Variants in THSD4 observed in about 807,000 individuals in gnomAD.
THSD4 encodes thrombospondin type-1 domain-containing protein 4.
In THSD4, 69 loss-of-function variants were observed where a neutral mutation model predicts 119.0. The observed-to-expected ratio is 0.58, with a 90% confidence interval of 0.48 to 0.71. THSD4 has a LOEUF of 0.71. THSD4 is among the 30% of genes least tolerant of loss of function. The probability of loss-of-function intolerance (pLI) is 0.00; values close to 1 mark genes in which losing one functional copy is unlikely to be tolerated. For synonymous variants in THSD4, 524 were observed against 540.4 expected (o/e 0.97, Z 0.42); for missense variants, 1,393 against 1,391.1 (o/e 1.00, Z -0.02).
At chr15:71,422,429 C>T (rs1458571727) in intron 7 of THSD4, among the ~76,000 whole-genome samples, 3 of 152,198 alleles carry the variant, frequency 2.0e-5, no homozygotes, top group East Asian at 3.9e-4. Flanking sequence ...TGCTGTGGCT[C>T]TTGCAGACTC....
intron 3 of THSD4, among the ~76,000 whole-genome samples, chr15:71,196,001 T>C (rs1164743557): frequency 6.6e-6 from 1 of 152,150 alleles, no homozygotes; most frequent in Non-Finnish European, 1.5e-5. Context: ...GGACAGAAAC[T>C]TATTTCTTAC....
At chr15:71,709,082 A>G (rs554943837) in intron 8 of THSD4, among the ~76,000 whole-genome samples, 2 of 152,332 alleles carry the variant, frequency 1.3e-5, no homozygotes, top group African/African-American at 4.8e-5. Context: ...TCTGCTACAT[A>G]CTAACCATGT....
chr15:71,459,324 A>ATC (rs377346569), intron 7 of THSD4, among the ~76,000 whole-genome samples: 9 of 101,198 alleles, frequency 8.9e-5, no homozygotes, highest in South Asian at 3.6e-4. Context: ...ATGCCCAACT[A>ATC]TCTCTCTCTC....
chr15:71,171,099 G>GA (rs1325805509), intron 3 of THSD4, among the ~76,000 whole-genome samples: 1 of 152,092 alleles, frequency 6.6e-6, no homozygotes, highest in Non-Finnish European at 1.5e-5. Flanking sequence ...ACCAAAAGGA[G>GA]AAGAGATAGG....
intron 6 of THSD4, among the ~76,000 whole-genome samples, chr15:71,383,889 C>T (rs554080484): frequency 3.3e-5 from 5 of 152,138 alleles, no homozygotes; most frequent in South Asian, 4.2e-4. Flanking sequence ...TATAATACGC[C>T]GTTTTACATA....
At chr15:71,265,430 T>G (rs931050209) in intron 6 of THSD4, among the ~76,000 whole-genome samples, 1 of 152,166 alleles carries the variant, frequency 6.6e-6, no homozygotes, top group Non-Finnish European at 1.5e-5. Context: ...GCCCAGATAC[T>G]ACGCTTTTGC....
rs531522010 is a variant in THSD4, at chr15:71,448,431, G to C, written c.1152+36608G>C. Among the ~76,000 whole-genome samples the C allele has an allele frequency of 4.6e-5, 7 of 152,298 alleles. No individual in the cohort carries two copies. In the South Asian group the frequency reaches 1.0e-3, roughly 23 times the overall value. On this transcript the variant is annotated intron_variant, in intron 7 of 17. Transcript: ENST00000261862. Reference sequence around the variant, plus strand: ...TTTGATCTTGAGGTAATAGATATTAGATGTATTAACTTCTTTTTCCAGCCT... The same window carrying C: ...TTTGATCTTGAGGTAATAGATATTACATGTATTAACTTCTTTTTCCAGCCT...
intron 6 of THSD4, among the ~76,000 whole-genome samples, chr15:71,381,791 G>A (rs913265778): frequency 2.0e-5 from 3 of 151,988 alleles, no homozygotes; most frequent in African/African-American, 7.3e-5. Flanking sequence ...CACAATTTTT[G>A]GAACAGTCAT....
At chr15:71,660,831 C>T (rs947655547) in intron 8 of THSD4, 97 bp downstream of exon 8, 31 of 1,393,086 alleles carry the variant, frequency 2.2e-5, no homozygotes, top group Non-Finnish European at 2.7e-5. Flanking sequence ...CCGAGAGTCC[C>T]GGGGCATGCA....
chr15:71,263,400 G>C (rs1030725295), intron 6 of THSD4, among the ~76,000 whole-genome samples: 4 of 150,446 alleles, frequency 2.7e-5, no homozygotes, highest in African/African-American at 7.4e-5. Flanking sequence ...TTGATTCCAT[G>C]TCTTTACTAT....
intron 7 of THSD4, among the ~76,000 whole-genome samples, chr15:71,420,743 G>A (rs1236307314): frequency 9.3e-6 from 1 of 107,474 alleles, no homozygotes; most frequent in East Asian, 3.1e-4. Flanking sequence ...AAAATAACAA[G>A]CAAAGAGAAA....
rs951943287 is a variant in THSD4 at position 71,781,681 on chromosome 15, G to C, written c.*4307G>C. ...ACAGTTTAGCTCCTGCAGAGACCCA[G>C]CTTTTCACAAGTTGGAGCCTTCCAG... is the stretch of plus-strand genomic sequence containing the variant. On this transcript the variant is annotated 3_prime_UTR_variant, in exon 18 of 18. Coordinates refer to ENST00000261862, the MANE Select transcript of THSD4 (RefSeq NM_024817.3). 1 of 152,358 alleles carries C rather than the reference G, an allele frequency of 6.6e-6. No individual in the cohort carries two copies. Among genetic ancestry groups the C allele is most frequent in the Admixed American group, 6.5e-5 (1 of 15,274 alleles). The allele number at this position is 152,358 out of a possible 1,614,324, so 9.4% of individuals were successfully genotyped here.
chr15:71,690,366 A>T (rs1595866502), intron 8 of THSD4, among the ~76,000 whole-genome samples: 1 of 152,286 alleles, frequency 6.6e-6, no homozygotes. Context: ...ACCTCCTGGG[A>T]TGGTGCCTGA....
chr15:71,362,965 T>G (rs2045911945), intron 6 of THSD4, among the ~76,000 whole-genome samples: 1 of 109,708 alleles, frequency 9.1e-6, no homozygotes. Flanking sequence ...TGATAGCTGA[T>G]GAGCTAAAAA....
intron 7 of THSD4, among the ~76,000 whole-genome samples, chr15:71,613,503 A>G (rs1461465614): frequency 6.6e-6 from 1 of 152,250 alleles, no homozygotes; most frequent in Non-Finnish European, 1.5e-5. Flanking sequence ...ATCTTTAGCC[A>G]GAAGATACAT....
At chr15:71,473,307 C>A (rs35067654) in intron 7 of THSD4, among the ~76,000 whole-genome samples, 1 of 152,106 alleles carries the variant, frequency 6.6e-6, no homozygotes, top group Non-Finnish European at 1.5e-5. Flanking sequence ...ATCCACCCGC[C>A]TCAGCCCTCT....
chr15:71,386,664 A>G (rs2046297034), intron 6 of THSD4, among the ~76,000 whole-genome samples: 1 of 152,250 alleles, frequency 6.6e-6, no homozygotes, highest in Non-Finnish European at 1.5e-5. Context: ...GAGAAGTTTG[A>G]CAGGTGGACT....
chr15:71,341,243 A>G (rs539594760), intron 6 of THSD4: 24 of 1,595,242 alleles, frequency 1.5e-5, no homozygotes, highest in Middle Eastern at 2.3e-4. Flanking sequence ...TGGTTTAGGA[A>G]CAATCTGTTC....
intron 1 of THSD4, among the ~76,000 whole-genome samples, chr15:71,097,392 C>A (rs1401298371): frequency 6.6e-6 from 1 of 151,846 alleles, no homozygotes; most frequent in Non-Finnish European, 1.5e-5. Flanking sequence ...TGGTGAAACC[C>A]CGTCTCTACA....
Sources: gnomAD v4.1 joint callset for allele counts (sites outside exome capture counted in the v4.1 genomes callset) on GRCh38, gnomAD v4.1.1 for gene constraint, MANE v1.5 for transcripts, NCBI Gene and HGNC (gene_info 2026-07-23, HGNC 2026-07-21) for gene names.